The following LIN28B variants were observed in gnomAD, a reference collection of about 807,000 sequenced individuals.
LIN28B encodes the protein lin-28 RNA binding posttranscriptional regulator B, also known as protein lin-28 homolog B.
LIN28B carries 5 observed loss-of-function variants against 21.9 expected under a neutral mutation model. That is an observed-to-expected ratio of 0.23 (90% CI 0.12 to 0.48). The LOEUF (loss-of-function observed/expected upper bound fraction) is 0.48, where lower values mean the gene tolerates loss of function less well. LIN28B is among the 20% of genes least tolerant of loss of function. The probability of loss-of-function intolerance (pLI) is 0.98; values close to 1 mark genes in which losing one functional copy is unlikely to be tolerated. For synonymous variants in LIN28B, 109 were observed against 111.3 expected, an observed-to-expected ratio of 0.98 and a Z score of 0.13; for missense variants, 245 against 310.5, an observed-to-expected ratio of 0.79 and a Z score of 1.58.
At chr6:104,954,271 C>T (rs1349373555), upstream of LIN28B, among the ~76,000 whole-genome samples, 7 of 152,136 alleles carry the variant, frequency 4.6e-5, no homozygotes, top group African/African-American at 1.7e-4. Flanking sequence ...AATTGGAAAG[C>T]ATTCTAGAAG....
At chr6:104,978,983 A>C (rs1770162955) in intron 2 of LIN28B, among the ~76,000 whole-genome samples, 1 of 152,190 alleles carries the variant, frequency 6.6e-6, no homozygotes, top group Admixed American at 6.5e-5. Context: ...GGGAGCAGTT[A>C]TTAGTTTTTA....
intron 3 of LIN28B, among the ~76,000 whole-genome samples, chr6:105,036,720 T>C (rs1394563550): frequency 6.6e-6 from 1 of 152,190 alleles, no homozygotes; most frequent in African/African-American, 2.4e-5. Flanking sequence ...TTGCTGATTA[T>C]AATAAATAAT....
chr6:104,959,145 C>T (rs1206339527), intron 2 of LIN28B, among the ~76,000 whole-genome samples: 1 of 152,124 alleles, frequency 6.6e-6, no homozygotes, highest in Non-Finnish European at 1.5e-5. Context: ...TGCCTTTACT[C>T]CTCTCTACTG....
rs972059097 is a variant in LIN28B, at chr6:105,080,025, A to G, written c.*1242A>G. 5 of 152,200 alleles carry G rather than the reference A, an allele frequency of 3.3e-5. No individual in the cohort carries two copies. Among genetic ancestry groups the G allele is most frequent in the African/African-American group, 1.2e-4 (5 of 41,450 alleles). The allele number at this position is 152,200 out of a possible 1,614,324, so 9.4% of individuals were successfully genotyped here. ...CCTCTCCCACCAGAGAGCTAGAAGT[A>G]TTTTATACAGTAACTTTGATCTTAT... is the stretch of plus-strand genomic sequence containing the variant. On this transcript the variant is annotated 3_prime_UTR_variant, in exon 4 of 4. Coordinates refer to ENST00000345080, the MANE Select transcript of LIN28B (RefSeq NM_001004317.4).
rs534837524 is a variant in LIN28B at position 104,987,622 on chromosome 6, A to G, written c.198+29336A>G. Among the ~76,000 whole-genome samples the G allele has an allele frequency of 2.0e-5, 3 of 152,218 alleles. No individual in the cohort carries two copies. The South Asian group carries it at 6.2e-4, about 32-fold the overall frequency. On this transcript the variant is annotated intron_variant, in intron 2 of 3. Transcript: ENST00000345080. Reference sequence around the variant, plus strand: ...ATTACAGGTGTGAGCCACTGCACCCAATCATTTTATAAATTATTATAAATA... The same window carrying G: ...ATTACAGGTGTGAGCCACTGCACCCGATCATTTTATAAATTATTATAAATA...
chr6:105,064,375 A>G (rs1346576781), intron 3 of LIN28B, among the ~76,000 whole-genome samples: 3 of 152,038 alleles, frequency 2.0e-5, no homozygotes, highest in Admixed American at 2.0e-4. Context: ...AAATCAGTTG[A>G]CTCTCCACTC....
At chr6:105,042,878 C>T (rs994058099) in intron 3 of LIN28B, among the ~76,000 whole-genome samples, 5 of 152,228 alleles carry the variant, frequency 3.3e-5, no homozygotes, top group Middle Eastern at 3.4e-3. Context: ...CTTTTAGCCT[C>T]TCTTAAACAG....
At chr6:105,001,999 C>T (rs1304111854) in intron 2 of LIN28B, among the ~76,000 whole-genome samples, 2 of 151,994 alleles carry the variant, frequency 1.3e-5, no homozygotes, top group African/African-American at 4.8e-5. Context: ...GTAAAAACTG[C>T]ATTATGGTGA....
At chr6:104,945,708 A>G (rs1030603810) in intron 2 of LIN28B, among the ~76,000 whole-genome samples, 4 of 152,102 alleles carry the variant, frequency 2.6e-5, no homozygotes, top group Admixed American at 6.5e-5. Context: ...ACATAAAGTT[A>G]TTATTTCATA....
At chr6:105,008,621 G>A (rs1337595105) in intron 2 of LIN28B, among the ~76,000 whole-genome samples, 1 of 150,322 alleles carries the variant, frequency 6.7e-6, no homozygotes, top group Non-Finnish European at 1.5e-5. Context: ...TCCAGCCTGG[G>A]CGACAGAACG....
intron 2 of LIN28B, among the ~76,000 whole-genome samples, chr6:104,984,632 C>A (rs1003889561): frequency 6.6e-6 from 1 of 152,008 alleles, no homozygotes. Context: ...GTCAGGGTCT[C>A]ATTATGTTGA....
At chr6:105,020,625 C>G (rs142726753) in intron 2 of LIN28B, among the ~76,000 whole-genome samples, 282 of 151,602 alleles carry the variant, frequency 1.9e-3, no homozygotes, top group African/African-American at 6.6e-3. Context: ...AGGCTGAAAG[C>G]CAATATTTTT....
rs1771180031 is a variant in LIN28B at position 105,023,298 on chromosome 6, T to TTTATATATAATTATATTATATATA, written c.199-2999_199-2976dup. ...ATTATATATATAAATAATATATATA[T>TTTATATATAATTATATTATATATA]TTATATATAATTATATTATATATAA... On this transcript the variant is annotated intron_variant, in intron 2 of 3. Transcript: ENST00000345080. Among the ~76,000 whole-genome samples, 9 of 13,052 alleles carry TTTATATATAATTATATTATATATA rather than the reference T, an allele frequency of 6.9e-4. 1 individual carries two copies. The highest frequency in any genetic ancestry group is 2.3e-3 in the Admixed American group (1 of 440). The allele number at this position is 13,052 out of a possible 152,430, so 8.6% of individuals were successfully genotyped here.
rs1362397898 is a variant in LIN28B at position 105,081,092 on chromosome 6, T to C, written c.*2309T>C. On this transcript the variant is annotated 3_prime_UTR_variant, in exon 4 of 4. Transcript: ENST00000345080. Reference sequence around the variant, plus strand: ...GGGTTTATTTTTTATATGAGAATATTATCACTATTACATAACATACTCAGG... The same window carrying C: ...GGGTTTATTTTTTATATGAGAATATCATCACTATTACATAACATACTCAGG... 1 of 152,624 alleles carries C rather than the reference T, an allele frequency of 6.6e-6. No individual in the cohort carries two copies. Among genetic ancestry groups the C allele is most frequent in the African/African-American group, 2.4e-5 (1 of 41,456 alleles). 9.5% of individuals were successfully genotyped at this position (152,624 alleles called of 1,614,324 possible). A position where few individuals can be genotyped will look rare whatever the true frequency, so the allele number is the denominator to read the frequency against.
intron 2 of LIN28B, among the ~76,000 whole-genome samples, chr6:104,965,064 A>G (rs1679470228): frequency 6.6e-6 from 1 of 152,190 alleles, no homozygotes; most frequent in Non-Finnish European, 1.5e-5. Context: ...AATAATGGAT[A>G]AGTTATTTTC....
At chr6:104,963,591 G>A (rs903527327) in intron 2 of LIN28B, among the ~76,000 whole-genome samples, 1 of 152,126 alleles carries the variant, frequency 6.6e-6, no homozygotes, top group East Asian at 1.9e-4. Flanking sequence ...TTAAAGAGCA[G>A]TTTTAGGTTC....
At chr6:105,053,410 T>TGTGC (rs1771951812) in intron 3 of LIN28B, among the ~76,000 whole-genome samples, 1 of 149,824 alleles carries the variant, frequency 6.7e-6, no homozygotes, top group Non-Finnish European at 1.5e-5. Flanking sequence ...TGTGTGTGTG[T>TGTGC]GTGCACGTGC....
chr6:105,076,215 CAT>C (rs1772422083), intron 3 of LIN28B, among the ~76,000 whole-genome samples: 1 of 152,036 alleles, frequency 6.6e-6, no homozygotes, highest in African/African-American at 2.4e-5. Context: ...TTAACTACAA[CAT>C]GTGATTTCTT....
chr6:105,053,714 C>CATGTGTGTGTGT (rs61525783), intron 3 of LIN28B, among the ~76,000 whole-genome samples: 5,355 of 147,324 alleles, frequency 0.036, 144 homozygotes, highest in East Asian at 0.095. Flanking sequence ...TGTGTGGGTG[C>CATGTGTGTGTGT]GTGTGTGTGT....
Sources: allele counts gnomAD v4.1 joint callset (sites outside exome capture counted in the v4.1 genomes callset), GRCh38; gene constraint gnomAD v4.1.1; transcripts MANE v1.5; gene names NCBI Gene and HGNC (gene_info 2026-07-23, HGNC 2026-07-21).